The following RPRD1A variants were observed in gnomAD, a reference collection of about 807,000 sequenced individuals.
RPRD1A encodes the protein regulation of nuclear pre-mRNA domain-containing protein 1A.
Under a neutral mutation model 37.8 loss-of-function variants are expected in RPRD1A, and 9 were observed. That is an observed-to-expected ratio of 0.24 (90% CI 0.14 to 0.42). The LOEUF is 0.42. Ranked by LOEUF, RPRD1A falls within the 10% of genes least tolerant of loss-of-function variation. RPRD1A has a pLI of 1.00. For synonymous variants in RPRD1A, 138 were observed against 139.7 expected, an observed-to-expected ratio of 0.99 and a Z score of 0.08; for missense variants, 255 against 371.0, an observed-to-expected ratio of 0.69 and a Z score of 2.57.
At chr18:36,012,932 A>G (rs935204845) in intron 6 of RPRD1A, among the ~76,000 whole-genome samples, 1 of 152,214 alleles carries the variant, frequency 6.6e-6, no homozygotes, top group Non-Finnish European at 1.5e-5. Context: ...GAAGGTGTGA[A>G]TATTTTAGTC....
In RPRD1A at chr18:35,992,170, A is replaced by T. The variant is rs1444184175; in HGVS notation, c.*981T>A. 1 of 152,666 alleles carries T rather than the reference A, an allele frequency of 6.6e-6. No individual in the cohort carries two copies. The highest frequency in any genetic ancestry group is 1.9e-4 in the East Asian group (1 of 5,204). 9.5% of individuals were successfully genotyped at this position (152,666 alleles called of 1,614,324 possible). A position where few individuals can be genotyped will look rare whatever the true frequency, so the allele number is the denominator to read the frequency against. ...TACAGTCATTCAAAAACCTTAAGGA[A>T]ACATTGAAAATGTCTCAGGCTACTT... On this transcript the variant is annotated 3_prime_UTR_variant, in exon 7 of 7. Coordinates refer to ENST00000399022, the MANE Select transcript of RPRD1A (RefSeq NM_018170.5).
chr18:36,031,376 T>C (rs1911780238), intron 2 of RPRD1A, among the ~76,000 whole-genome samples: 2 of 152,208 alleles, frequency 1.3e-5, no homozygotes, highest in Admixed American at 1.3e-4. Flanking sequence ...GGATTTCCTA[T>C]CCTAATGGGG....
At chr18:36,038,941 T>C (rs958127448) in intron 1 of RPRD1A, among the ~76,000 whole-genome samples, 21 of 152,206 alleles carry the variant, frequency 1.4e-4, no homozygotes, top group African/African-American at 3.9e-4. Context: ...CCGTTGTATC[T>C]TGGAAGTAAC....
chr18:36,005,623 T>C (rs1231914883), intron 6 of RPRD1A, among the ~76,000 whole-genome samples: 1 of 152,214 alleles, frequency 6.6e-6, no homozygotes, highest in Non-Finnish European at 1.5e-5. Context: ...GGCACTGAAT[T>C]TTAGAGCTAG....
intron 1 of RPRD1A, among the ~76,000 whole-genome samples, chr18:36,041,370 T>TG (rs1308827314): frequency 1.3e-5 from 2 of 152,144 alleles, no homozygotes; most frequent in African/African-American, 4.8e-5. Flanking sequence ...TAAGTCCTAT[T>TG]GCAGTAATCA....
At position 35,992,877 on chromosome 18, in the gene RPRD1A, CAAA is replaced by C. The variant is rs573754672; in HGVS notation, c.*271_*273del. 5 of 252,776 alleles carry C rather than the reference CAAA, an allele frequency of 2.0e-5. No individual in the cohort carries two copies. Among genetic ancestry groups the C allele is most frequent in the African/African-American group, 2.3e-5 (1 of 43,644 alleles). 15.7% of individuals were successfully genotyped at this position (252,776 alleles called of 1,614,324 possible). ...AGAGATTTCTCACAAGGCCTTGGAT[CAAA>C]AAAAAAATTTACAAAAAGATCTTTT... On this transcript the variant is annotated 3_prime_UTR_variant, in exon 7 of 7. Transcript: ENST00000399022.
chr18:36,017,358 C>T (rs914238625), intron 6 of RPRD1A, among the ~76,000 whole-genome samples: 2 of 152,136 alleles, frequency 1.3e-5, no homozygotes, highest in African/African-American at 2.4e-5. Context: ...GCTTTTACTG[C>T]TGAGCACATT....
At chr18:36,023,328 T>C (rs1362196846) in intron 6 of RPRD1A, among the ~76,000 whole-genome samples, 1 of 152,210 alleles carries the variant, frequency 6.6e-6, no homozygotes, top group South Asian at 2.1e-4. Flanking sequence ...GGTTCAAGAC[T>C]TCAGTGGTGA....
rs192000732 is a variant in RPRD1A at position 36,039,135 on chromosome 18, T to C, written c.152-5298A>G. Among the ~76,000 whole-genome samples, 70 of 152,154 alleles carry C rather than the reference T, an allele frequency of 4.6e-4. 2 individuals are homozygous for C. The East Asian group carries it at 0.012, about 26-fold the overall frequency. On this transcript the variant is annotated intron_variant, in intron 1 of 6. Transcript: ENST00000399022. ...AGATTTGGGAGGGGCCGGGGTGGAA[T>C]GATATGGTTTGGCTGTGTCCCCACC... is the stretch of plus-strand genomic sequence containing the variant.
At chr18:36,024,819 T>TA (rs1911248366) in intron 6 of RPRD1A, 1 of 152,236 alleles carries the variant, frequency 6.6e-6, no homozygotes, top group African/African-American at 2.4e-5. Flanking sequence ...AAAGTCTAAA[T>TA]ATCTCAAATC....
At chr18:35,995,315 G>A (rs1771610380) in intron 6 of RPRD1A, among the ~76,000 whole-genome samples, 1 of 143,972 alleles carries the variant, frequency 6.9e-6, no homozygotes, top group South Asian at 2.2e-4. Flanking sequence ...CCAGGCTGGA[G>A]TGCAATGGCG....
At chr18:36,054,109 T>C (rs145257043) in intron 1 of RPRD1A, among the ~76,000 whole-genome samples, 1 of 152,276 alleles carries the variant, frequency 6.6e-6, no homozygotes, top group African/African-American at 2.4e-5. Context: ...GATCATCAAG[T>C]CATCAGCATA....
chr18:36,031,543 A>C (rs991454246), intron 2 of RPRD1A, among the ~76,000 whole-genome samples: 6 of 152,216 alleles, frequency 3.9e-5, no homozygotes, highest in African/African-American at 1.4e-4. Flanking sequence ...CAAAGTGCTT[A>C]AGACAGACCT....
chr18:36,041,003 T>C, intron 1 of RPRD1A: 1 of 531,496 alleles, frequency 1.9e-6, no homozygotes, highest in Non-Finnish European at 3.2e-6. Context: ...CATTAGAGTT[T>C]AATGCAGAAT....
chr18:36,017,036 T>TAAAAAAAAAAACTACA (rs1910636743), intron 6 of RPRD1A, among the ~76,000 whole-genome samples: 1 of 151,568 alleles, frequency 6.6e-6, no homozygotes, highest in Non-Finnish European at 1.5e-5. Context: ...CCAGGTGCAG[T>TAAAAAAAAAAACTACA]GGCTCACACC....
chr18:35,992,888 T>A lies in RPRD1A; in HGVS notation c.*263A>T, dbSNP rs1447460990. On this transcript the variant is annotated 3_prime_UTR_variant, in exon 7 of 7. Coordinates refer to ENST00000399022, the MANE Select transcript of RPRD1A (RefSeq NM_018170.5). ...ACAAGGCCTTGGATCAAAAAAAAAA[T>A]TTACAAAAAGATCTTTTGAAAATAA... 2 of 281,880 alleles carry A rather than the reference T, an allele frequency of 7.1e-6. No individual in the cohort carries two copies. The highest frequency in any genetic ancestry group is 1.3e-5 in the Non-Finnish European group (2 of 154,092). 17.5% of individuals were successfully genotyped at this position (281,880 alleles called of 1,614,324 possible). A position where few individuals can be genotyped will look rare whatever the true frequency, so the allele number is the denominator to read the frequency against.
chr18:36,017,187 G>A (rs115342191), intron 6 of RPRD1A, among the ~76,000 whole-genome samples: 2,076 of 152,208 alleles, frequency 0.014, 55 homozygotes, highest in African/African-American at 0.047. Flanking sequence ...GCACTCGCCT[G>A]TAGTCCCAGC....
At chr18:36,059,565 C>T (rs2088864584) in intron 1 of RPRD1A, among the ~76,000 whole-genome samples, 1 of 151,980 alleles carries the variant, frequency 6.6e-6, no homozygotes, top group Non-Finnish European at 1.5e-5. Context: ...GTAGATATAA[C>T]CCACATAAAC....
intron 4 of RPRD1A, 175 bp from the exon 5 acceptor site, chr18:36,027,485 T>A: frequency 8.9e-6 from 5 of 563,982 alleles, no homozygotes. Context: ...GAGGCTATAC[T>A]ATGTTAGGTG....
Sources: allele counts gnomAD v4.1 joint callset (sites outside exome capture counted in the v4.1 genomes callset), GRCh38; gene constraint gnomAD v4.1.1; transcripts MANE v1.5; gene names NCBI Gene and HGNC (gene_info 2026-07-23, HGNC 2026-07-21).